Variants in ADK observed in about 807,000 individuals in gnomAD.
ADK encodes the protein adenosine kinase.
ADK carries 24 observed loss-of-function variants against 44.7 expected under a neutral mutation model. The observed-to-expected ratio is 0.54, with a 90% CI of 0.39 to 0.76. The LOEUF is 0.76. ADK is among the 30% of genes least tolerant of loss of function. The pLI is 0.00. For missense variants in ADK, 321 were observed against 425.1 expected, an observed-to-expected ratio of 0.76 and a Z score of 2.15; for synonymous variants, 128 against 142.6, an observed-to-expected ratio of 0.90 and a Z score of 0.73.
chr10:74,532,751 A>C (rs907738534), intron 7 of ADK, among the ~76,000 whole-genome samples: 2 of 151,304 alleles, frequency 1.3e-5, no homozygotes, highest in Non-Finnish European at 3.0e-5. Context: ...AAATACAAAA[A>C]TTAGCTGGGC....
intron 9 of ADK, among the ~76,000 whole-genome samples, chr10:74,620,797 T>C (rs965120907): frequency 5.3e-5 from 8 of 152,164 alleles, no homozygotes; most frequent in African/African-American, 1.9e-4. Context: ...TTAGTGATAA[T>C]GAGCTTTTTT....
At chr10:74,451,358 G>A (rs985018487) in intron 6 of ADK, among the ~76,000 whole-genome samples, 2 of 151,924 alleles carry the variant, frequency 1.3e-5, no homozygotes, top group African/African-American at 4.8e-5. Flanking sequence ...GCAAAGCAGT[G>A]TATTTACTTT....
chr10:74,423,560 T>A (rs558461349), intron 6 of ADK: 1 of 236,172 alleles, frequency 4.2e-6, no homozygotes, highest in African/African-American at 2.3e-5. Context: ...CGTGTAAACT[T>A]CATTCACGTT....
chr10:74,407,000 T>G (rs76210449), intron 6 of ADK, among the ~76,000 whole-genome samples: 58 of 151,128 alleles, frequency 3.8e-4, no homozygotes, highest in African/African-American at 1.4e-3. Context: ...TTTTTTTTTT[T>G]CAGACAAGTT....
intron 4 of ADK, among the ~76,000 whole-genome samples, chr10:74,338,460 C>G (rs1393121095): frequency 6.6e-6 from 1 of 152,060 alleles, no homozygotes; most frequent in Non-Finnish European, 1.5e-5. Context: ...TAAAAACTTG[C>G]TACACAAATA....
intron 3 of ADK, among the ~76,000 whole-genome samples, chr10:74,280,255 A>T (rs1447851244): frequency 6.6e-6 from 1 of 152,032 alleles, no homozygotes; most frequent in African/African-American, 2.4e-5. Flanking sequence ...GGCATGTGCC[A>T]CCATGCCCGG....
chr10:74,692,520 A>G (rs1482539250), intron 10 of ADK, among the ~76,000 whole-genome samples: 1 of 152,182 alleles, frequency 6.6e-6, no homozygotes, highest in Non-Finnish European at 1.5e-5. Context: ...TGAGCTATTA[A>G]GCCAAGAAAA....
intron 9 of ADK, among the ~76,000 whole-genome samples, chr10:74,616,847 A>G (rs564237981): frequency 6.6e-6 from 1 of 152,156 alleles, no homozygotes; most frequent in East Asian, 1.9e-4. Context: ...TTGTCTTCCA[A>G]TCCATATTTT....
intron 6 of ADK, chr10:74,516,854 T>C (rs540467130): frequency 6.3e-4 from 101 of 160,022 alleles, no homozygotes; most frequent in Non-Finnish European, 1.2e-3. Context: ...TGCATAGTAG[T>C]GTGTGTATTA....
intron 6 of ADK, among the ~76,000 whole-genome samples, chr10:74,418,927 C>T (rs1844464299): frequency 6.6e-6 from 1 of 152,156 alleles, no homozygotes. Flanking sequence ...AGATTGTTTG[C>T]ATGGACTCTA....
chr10:74,703,081 G>A (rs1395024385), intron 10 of ADK, among the ~76,000 whole-genome samples: 1 of 152,194 alleles, frequency 6.6e-6, no homozygotes, highest in Non-Finnish European at 1.5e-5. Flanking sequence ...ATCATAATGT[G>A]TGTAGTAGTC....
intron 7 of ADK, among the ~76,000 whole-genome samples, chr10:74,554,783 T>TAAAA (rs530734494): frequency 7.3e-6 from 1 of 137,928 alleles, no homozygotes; most frequent in Non-Finnish European, 1.6e-5. Context: ...TGTCTCTATT[T>TAAAA]AAAAAAAAAA....
At chr10:74,161,993 C>T (rs1841912273) in intron 1 of ADK, among the ~76,000 whole-genome samples, 1 of 152,134 alleles carries the variant, frequency 6.6e-6, no homozygotes, top group Admixed American at 6.5e-5. Flanking sequence ...GCCTGAGCTG[C>T]ATGCCTGGCC....
At chr10:74,497,937 C>T (rs568184035) in intron 6 of ADK, among the ~76,000 whole-genome samples, 4 of 151,730 alleles carry the variant, frequency 2.6e-5, no homozygotes, top group African/African-American at 4.8e-5. Context: ...TCACCCAGGC[C>T]GGAGTGCAAT....
intron 6 of ADK, among the ~76,000 whole-genome samples, chr10:74,456,902 A>G (rs1845969875): frequency 1.3e-5 from 2 of 152,130 alleles, no homozygotes; most frequent in Non-Finnish European, 2.9e-5. Context: ...TGGACACACT[A>G]ACATCACGAT....
At chr10:74,479,083 C>T (rs1284557726) in intron 6 of ADK, among the ~76,000 whole-genome samples, 1 of 152,162 alleles carries the variant, frequency 6.6e-6, no homozygotes, top group Non-Finnish European at 1.5e-5. Context: ...ACTGCGACCT[C>T]TGCCTCCTGG....
rs146457374 is a variant in ADK at position 74,510,378 on chromosome 10, A to G, written c.556-14878A>G. Among the ~76,000 whole-genome samples, 173 of 152,264 alleles carry G rather than the reference A, an allele frequency of 1.1e-3. 2 individuals are homozygous for G. The highest frequency in any genetic ancestry group is 9.9e-3 in the Admixed American group (152 of 15,294). ...TATCTCTTTTGAGAAATGTCTGTTC[A>G]GATCATTTACCTATTTTTTAATAAG... On this transcript the variant is annotated intron_variant, in intron 6 of 10. Transcript: ENST00000539909.
chr10:74,201,616 C>G (rs1291438179), intron 2 of ADK, among the ~76,000 whole-genome samples: 1 of 151,624 alleles, frequency 6.6e-6, no homozygotes, highest in Non-Finnish European at 1.5e-5. Context: ...GTAGGAAAAA[C>G]AGTGTGTGTG....
chr10:74,459,132 T>A (rs2133230296), intron 6 of ADK, among the ~76,000 whole-genome samples: 1 of 151,062 alleles, frequency 6.6e-6, no homozygotes, highest in East Asian at 2.0e-4. Flanking sequence ...TACAAAAAAT[T>A]AGCTGGGCAC....
Sources: gnomAD v4.1 joint callset for allele counts (sites outside exome capture counted in the v4.1 genomes callset) on GRCh38, gnomAD v4.1.1 for gene constraint, MANE v1.5 for transcripts, NCBI Gene and HGNC (gene_info 2026-07-23, HGNC 2026-07-21) for gene names.